The following EPHA3 variants were observed in gnomAD, a reference collection of about 807,000 sequenced individuals.
EPHA3 encodes the protein EPH receptor A3, also known as ephrin type-A receptor 3.
A neutral mutation model predicts 107.1 loss-of-function variants in EPHA3; 42 were observed. The ratio of observed to expected loss-of-function variants is 0.39; its 90% CI spans 0.31 to 0.51. The LOEUF (loss-of-function observed/expected upper bound fraction) is 0.51. Ranked by LOEUF, EPHA3 falls within the 20% of genes least tolerant of loss-of-function variation. The pLI is 0.78. For missense variants in EPHA3, 1,183 were observed against 1,211.2 expected (o/e 0.98, Z 0.35); for synonymous variants, 461 against 424.8 (o/e 1.09, Z -1.05).
At chr3:89,121,128 C>A (rs1576163434) in intron 1 of EPHA3, among the ~76,000 whole-genome samples, 1 of 152,022 alleles carries the variant, frequency 6.6e-6, no homozygotes, top group Admixed American at 6.6e-5. Flanking sequence ...CCCAGCTACT[C>A]GGGAGGCTGA....
At chr3:89,256,746 A>G (rs928008394) in intron 3 of EPHA3, among the ~76,000 whole-genome samples, 1 of 152,216 alleles carries the variant, frequency 6.6e-6, no homozygotes, top group African/African-American at 2.4e-5. Context: ...ATTCAATAGC[A>G]AATGTTAAGC....
At chr3:89,374,091 A>G (rs1027476580) in intron 5 of EPHA3, among the ~76,000 whole-genome samples, 17 of 151,940 alleles carry the variant, frequency 1.1e-4, no homozygotes, top group Non-Finnish European at 2.4e-4. Context: ...ACACATACTC[A>G]GAAATATAGT....
chr3:89,433,734 G>T (rs1486609999), intron 13 of EPHA3, among the ~76,000 whole-genome samples: 1 of 152,082 alleles, frequency 6.6e-6, no homozygotes, highest in Non-Finnish European at 1.5e-5. Flanking sequence ...TTCTTATCTT[G>T]TAGCTAGTTG....
intron 15 of EPHA3, among the ~76,000 whole-genome samples, chr3:89,457,850 G>A (rs766289008): frequency 6.6e-6 from 1 of 152,200 alleles, no homozygotes; most frequent in Admixed American, 6.5e-5. Flanking sequence ...CTAGAGCAGG[G>A]AAAGTAGACA....
chr3:89,426,317 C>A (rs1709455775), intron 11 of EPHA3, among the ~76,000 whole-genome samples: 1 of 151,806 alleles, frequency 6.6e-6, no homozygotes, highest in South Asian at 2.1e-4. Flanking sequence ...CTACAGAAGT[C>A]TCTTTTTCTT....
At chr3:89,271,487 T>C (rs1194320457) in intron 3 of EPHA3, among the ~76,000 whole-genome samples, 2 of 151,998 alleles carry the variant, frequency 1.3e-5, no homozygotes, top group Admixed American at 6.6e-5. Context: ...CTTGGCTTTC[T>C]CTCACCTTTA....
intron 15 of EPHA3, among the ~76,000 whole-genome samples, chr3:89,456,072 C>A (rs1375595352): frequency 9.2e-5 from 14 of 152,156 alleles, no homozygotes; most frequent in Admixed American, 7.9e-4. Context: ...AGTAAATTTA[C>A]ATTTCAAAAG....
chr3:89,348,912 G>T lies in EPHA3; in HGVS notation c.1306+6822G>T, dbSNP rs1707739130. The stretch of plus-strand genomic sequence containing the variant: ...CAGGAGCAGGTTGTTCAGTTTCCAT[G>T]TAGTTGAGTGGCTTTGAGTGAGATT... On this transcript the variant is annotated intron_variant, in intron 5 of 16. Transcript: ENST00000336596. Among the ~76,000 whole-genome samples the T allele has an allele frequency of 6.0e-5, 7 of 116,100 alleles. No individual in the cohort carries two copies. The South Asian group carries it at 1.9e-3, about 32-fold the overall frequency. 76.2% of individuals were successfully genotyped at this position (116,100 alleles called of 152,430 possible).
intron 2 of EPHA3, among the ~76,000 whole-genome samples, chr3:89,204,050 C>G (rs1416254230): frequency 6.6e-6 from 1 of 152,074 alleles, no homozygotes; most frequent in African/African-American, 2.4e-5. Context: ...CTGAGGTATG[C>G]CCAATATTGG....
intron 5 of EPHA3, among the ~76,000 whole-genome samples, chr3:89,368,842 G>C (rs1047789538): frequency 1.7e-4 from 26 of 150,140 alleles, no homozygotes; most frequent in African/African-American, 6.1e-4. Flanking sequence ...AACAAAAAAC[G>C]CTTCACCAGC....
At chr3:89,154,434 A>G (rs1256785782) in intron 2 of EPHA3, among the ~76,000 whole-genome samples, 1 of 151,878 alleles carries the variant, frequency 6.6e-6, no homozygotes, top group Non-Finnish European at 1.5e-5. Context: ...GTATCAATGG[A>G]CTGTGTGGTG....
chr3:89,116,542 G>A (rs964320982), intron 1 of EPHA3, among the ~76,000 whole-genome samples: 5 of 152,012 alleles, frequency 3.3e-5, no homozygotes, highest in Non-Finnish European at 7.4e-5. Flanking sequence ...TTGAAAGGTA[G>A]CAAATTAAGT....
intron 1 of EPHA3, among the ~76,000 whole-genome samples, chr3:89,124,194 T>G (rs1377815626): frequency 6.6e-6 from 1 of 152,190 alleles, no homozygotes; most frequent in Non-Finnish European, 1.5e-5. Context: ...TCTAGATATG[T>G]TTAGAGAGGG....
intron 5 of EPHA3, among the ~76,000 whole-genome samples, chr3:89,362,212 T>A (rs957123785): frequency 5.3e-5 from 8 of 151,130 alleles, no homozygotes; most frequent in African/African-American, 1.5e-4. Flanking sequence ...CTTTTTGGGT[T>A]GAACATATCT....
At chr3:89,145,113 G>A (rs1368811602) in intron 2 of EPHA3, among the ~76,000 whole-genome samples, 1 of 151,616 alleles carries the variant, frequency 6.6e-6, no homozygotes, top group East Asian at 1.9e-4. Flanking sequence ...TTGTTTTCTT[G>A]ATAGAGGAGG....
intron 15 of EPHA3, among the ~76,000 whole-genome samples, chr3:89,454,848 G>A (rs1164016373): frequency 6.6e-6 from 1 of 151,828 alleles, no homozygotes; most frequent in East Asian, 2.0e-4. Context: ...TTTTAAATGG[G>A]CCAGGCATGG....
At chr3:89,248,948 T>A (rs1705099951) in intron 3 of EPHA3, among the ~76,000 whole-genome samples, 1 of 152,212 alleles carries the variant, frequency 6.6e-6, no homozygotes, top group African/African-American at 2.4e-5. Flanking sequence ...AATTAAGTAC[T>A]TTTTAATCCT....
chr3:89,384,062 G>T (rs1017962327), intron 5 of EPHA3, among the ~76,000 whole-genome samples: 3 of 151,854 alleles, frequency 2.0e-5, no homozygotes, highest in Non-Finnish European at 2.9e-5. Context: ...GTCCCTCCTC[G>T]ATCTTTGGAG....
intron 7 of EPHA3, among the ~76,000 whole-genome samples, chr3:89,405,931 A>G (rs1263112177): frequency 6.6e-6 from 1 of 152,178 alleles, no homozygotes; most frequent in East Asian, 1.9e-4. Flanking sequence ...ACGCTCTGCT[A>G]TGAAATTTGC....
Sources: allele counts gnomAD v4.1 joint callset (sites outside exome capture counted in the v4.1 genomes callset), GRCh38; gene constraint gnomAD v4.1.1; transcripts MANE v1.5; gene names NCBI Gene and HGNC (gene_info 2026-07-23, HGNC 2026-07-21).